Variants in SYT17 observed in about 807,000 individuals in gnomAD.
The protein encoded by SYT17 is synaptotagmin-17.
In SYT17, 22 loss-of-function variants were observed where a neutral mutation model predicts 46.7. The observed-to-expected ratio is 0.47, with a 90% CI of 0.34 to 0.67. SYT17 has a LOEUF of 0.67. Among genes scored for constraint, SYT17 ranks in the 30% least tolerant of loss-of-function variants. The pLI, the probability that SYT17 is intolerant of heterozygous loss-of-function variation, is 0.01. For synonymous variants in SYT17, 251 were observed against 248.4 expected (o/e 1.01, Z -0.10); for missense variants, 519 against 612.8 (o/e 0.85, Z 1.62).
chr16:19,212,531 G>C (rs1448564727), intron 5 of SYT17, among the ~76,000 whole-genome samples: 1 of 152,130 alleles, frequency 6.6e-6, no homozygotes, highest in Non-Finnish European at 1.5e-5. Context: ...TGAGGCACAA[G>C]AATCACTTGA....
rs1218019028 is a variant in SYT17, at chr16:19,267,184, T to A, written c.*108T>A. On this transcript the variant is annotated 3_prime_UTR_variant, in exon 8 of 8. Transcript: ENST00000355377. ...CACCTGCATACACACTCGCAACATG[T>A]CTACACACGTCCACACACACAGACA... 22 of 955,306 alleles carry A rather than the reference T, an allele frequency of 2.3e-5. No homozygotes were observed. In the African/African-American group the frequency reaches 3.7e-4, roughly 16 times the overall value. The allele number at this position is 955,306 out of a possible 1,614,324, so 59.2% of individuals were successfully genotyped here.
At chr16:19,249,808 C>CCATG (rs776449949) in intron 7 of SYT17, 27 of 853,904 alleles carry the variant, frequency 3.2e-5, no homozygotes, top group East Asian at 1.4e-4. Context: ...GTGTTTCTGG[C>CCATG]CATGCATGGT....
chr16:19,235,906 C>T (rs765381724), intron 7 of SYT17, among the ~76,000 whole-genome samples: 32 of 151,826 alleles, frequency 2.1e-4, no homozygotes, highest in Admixed American at 4.6e-4. Flanking sequence ...TGAAAAAAAT[C>T]GGGGAAAGAA....
In SYT17 at chr16:19,216,402, C is replaced by A. The variant is rs112000032; in HGVS notation, c.952-6643C>A. ...TTTCTTTTTTTTTTTTTTTATTATA[C>A]TTTAAGTTCTGGGGTACCTGTGCAG... On this transcript the variant is annotated intron_variant, in intron 5 of 7. Coordinates refer to ENST00000355377, the MANE Select transcript of SYT17 (RefSeq NM_016524.4). Among the ~76,000 whole-genome samples, 17 of 142,002 alleles carry A rather than the reference C, an allele frequency of 1.2e-4. 1 individual carries two copies. Among genetic ancestry groups the A allele is most frequent in the African/African-American group, 4.2e-4 (16 of 37,806 alleles). The allele number at this position is 142,002 out of a possible 152,430, so 93.2% of individuals were successfully genotyped here. A position where few individuals can be genotyped will look rare whatever the true frequency, so the allele number is the denominator to read the frequency against.
chr16:19,192,675 T>C (rs548964354), intron 5 of SYT17, among the ~76,000 whole-genome samples: 1 of 152,276 alleles, frequency 6.6e-6, no homozygotes, highest in South Asian at 2.1e-4. Flanking sequence ...GTGGTGATGA[T>C]CTGGACCCTG....
intron 7 of SYT17, among the ~76,000 whole-genome samples, chr16:19,242,273 G>T (rs1479701188): frequency 6.6e-6 from 1 of 152,208 alleles, no homozygotes; most frequent in Non-Finnish European, 1.5e-5. Context: ...AACAGAGAAG[G>T]CCAGGAAAAT....
chr16:19,181,575 AG>A (rs1964557866), intron 4 of SYT17, among the ~76,000 whole-genome samples: 2 of 152,220 alleles, frequency 1.3e-5, no homozygotes, highest in South Asian at 4.1e-4. Flanking sequence ...GGGCTGGTCT[AG>A]AGCTGCGCTG....
intron 7 of SYT17, among the ~76,000 whole-genome samples, chr16:19,257,686 A>G (rs989557636): frequency 6.6e-6 from 1 of 152,230 alleles, no homozygotes; most frequent in African/African-American, 2.4e-5. Flanking sequence ...GAAACAGCCC[A>G]GGGTGGTCTT....
chr16:19,247,609 C>T (rs923794450), intron 7 of SYT17, among the ~76,000 whole-genome samples: 2 of 152,170 alleles, frequency 1.3e-5, no homozygotes, highest in Admixed American at 6.5e-5. Context: ...TGTTTTAGCT[C>T]AGGGAGGTCC....
intron 7 of SYT17, among the ~76,000 whole-genome samples, chr16:19,263,676 T>C (rs1259643345): frequency 2.0e-5 from 3 of 147,606 alleles, no homozygotes; most frequent in Admixed American, 1.3e-4. Context: ...AAAAAAAAAC[T>C]TGGACATAAA....
rs11359520 is a variant in SYT17, at chr16:19,181,702, GAA to G, written c.331+1177_331+1178del. Among the ~76,000 whole-genome samples the G allele has an allele frequency of 1.3e-3, 193 of 144,300 alleles. 1 individual carries two copies. The highest frequency in any genetic ancestry group is 2.6e-3 in the African/African-American group (102 of 39,732). 94.7% of individuals were successfully genotyped at this position (144,300 alleles called of 152,430 possible). A position where few individuals can be genotyped will look rare whatever the true frequency, so the allele number is the denominator to read the frequency against. On this transcript the variant is annotated intron_variant, in intron 4 of 7. Coordinates refer to ENST00000355377, the MANE Select transcript of SYT17 (RefSeq NM_016524.4). ...CATACTGGACTTTCAGGACAGTGAG[GAA>G]AAAAAAAAAAAAAGTCTGGGCGCGG...
rs1299176574 is a variant in SYT17 at position 19,168,357 on chromosome 16, G to C, written c.-290G>C. ...TTATTCCAGCCTGGGGAGCGCCTCG[G>C]TGGGGAGCACGGGACAGCGAGGGAG... On this transcript the variant is annotated 5_prime_UTR_variant, in exon 1 of 8. Coordinates refer to ENST00000355377, the MANE Select transcript of SYT17 (RefSeq NM_016524.4). This position sits in a 1 kb window ranked among gnomAD's most constrained non-coding sequence, Gnocchi z 6.9. The C allele has an allele frequency of 1.6e-5, 8 of 501,220 alleles. No homozygotes were observed. The highest frequency in any genetic ancestry group is 2.8e-5 in the Non-Finnish European group (8 of 285,298). The allele number at this position is 501,220 out of a possible 1,614,324, so 31.0% of individuals were successfully genotyped here. A position where few individuals can be genotyped will look rare whatever the true frequency, so the allele number is the denominator to read the frequency against.
At chr16:19,190,438 T>C (rs1429427905) in intron 5 of SYT17, among the ~76,000 whole-genome samples, 2 of 152,208 alleles carry the variant, frequency 1.3e-5, no homozygotes, top group African/African-American at 2.4e-5. Context: ...TTTACCGTCT[T>C]AACCATTTTT....
chr16:19,220,056 A>C (rs898017860), intron 5 of SYT17, among the ~76,000 whole-genome samples: 1 of 152,042 alleles, frequency 6.6e-6, no homozygotes, highest in Non-Finnish European at 1.5e-5. Context: ...GCAGCAGGAA[A>C]CCCCTAGCAA....
chr16:19,196,555 T>A (rs1037072389), intron 5 of SYT17, among the ~76,000 whole-genome samples: 1 of 152,150 alleles, frequency 6.6e-6, no homozygotes, highest in Non-Finnish European at 1.5e-5. Flanking sequence ...AAGAATTTTT[T>A]TTTTTTAAAT....
At chr16:19,260,757 C>T (rs903737848) in intron 7 of SYT17, among the ~76,000 whole-genome samples, 3 of 151,988 alleles carry the variant, frequency 2.0e-5, no homozygotes, top group Non-Finnish European at 4.4e-5. Flanking sequence ...TAAAAGAGTC[C>T]CCCATAACCA....
intron 5 of SYT17, among the ~76,000 whole-genome samples, chr16:19,194,837 A>G (rs1965170340): frequency 6.6e-6 from 1 of 152,138 alleles, no homozygotes; most frequent in South Asian, 2.1e-4. Flanking sequence ...ACCTCAAGCA[A>G]TCCTCCTGCC....
In SYT17 at chr16:19,186,610, T is replaced by C. The variant is rs189279295; in HGVS notation, c.951+2463T>C. 1.0e-4 allele frequency among the ~76,000 whole-genome samples: 16 copies of C among 152,390 alleles called. No homozygotes were observed. In the East Asian group the frequency reaches 3.1e-3, roughly 29 times the overall value. On this transcript the variant is annotated intron_variant, in intron 5 of 7. Coordinates refer to ENST00000355377, the MANE Select transcript of SYT17 (RefSeq NM_016524.4). ...GGGCTTCCAGCCTTGCTGGTGCTAT[T>C]ATCAGCCAAGTAGTGGCTGTTAATG...
chr16:19,173,653 G>A (rs1019090623), intron 3 of SYT17, 75 bp downstream of exon 3: 14 of 1,527,250 alleles, frequency 9.2e-6, no homozygotes, highest in Non-Finnish European at 1.2e-5. Flanking sequence ...GCGGGTTGGG[G>A]GTCTGGGCCA....
Sources: allele counts gnomAD v4.1 joint callset (sites outside exome capture counted in the v4.1 genomes callset), GRCh38; gene constraint gnomAD v4.1.1; non-coding constraint Gnocchi (gnomAD v3.1); transcripts MANE v1.5; gene names NCBI Gene and HGNC (gene_info 2026-07-23, HGNC 2026-07-21).